The following KIRREL3 variants were observed in gnomAD, a reference collection of about 807,000 sequenced individuals.
KIRREL3 encodes the protein kin of IRRE-like protein 3.
A neutral mutation model predicts 89.7 loss-of-function variants in KIRREL3; 36 were observed. The observed-to-expected ratio is 0.40, with a 90% CI of 0.31 to 0.53. The LOEUF is 0.53. Ranked by LOEUF, KIRREL3 falls within the 20% of genes least tolerant of loss-of-function variation. The pLI, the probability that KIRREL3 is intolerant of heterozygous loss-of-function variation, is 0.49. For synonymous variants in KIRREL3, 445 were observed against 441.4 expected (o/e 1.01, Z -0.10); for missense variants, 864 against 1,056.6 (o/e 0.82, Z 2.53).
chr11:126,852,557 A>G (rs545610469), intron 1 of KIRREL3, among the ~76,000 whole-genome samples: 1 of 152,178 alleles, frequency 6.6e-6, no homozygotes, highest in Admixed American at 6.5e-5. Context: ...GGGAAGGTCA[A>G]CCAGCATTGT....
chr11:126,660,738 A>G (rs1945361407), intron 1 of KIRREL3, among the ~76,000 whole-genome samples: 1 of 152,226 alleles, frequency 6.6e-6, no homozygotes. Flanking sequence ...AAACTGTCCC[A>G]CAGCTAGAAC....
At position 126,513,635 on chromosome 11, in the gene KIRREL3, T is replaced by G. The variant is rs1958300953; in HGVS notation, c.433+7680A>C. On this transcript the variant is annotated intron_variant, in intron 4 of 16. Transcript: ENST00000525144. The surrounding 1 kb of genome is among the most constrained non-coding windows in gnomAD (Gnocchi z 5.9). The stretch of plus-strand genomic sequence containing the variant: ...AGAGTTTTGACATCCAGCCAGGCTG[T>G]GATGAGGATGGGAGATGGAGTGGGT... Among the ~76,000 whole-genome samples, 1 of 151,894 alleles carries G rather than the reference T, an allele frequency of 6.6e-6. No homozygotes were observed. The highest frequency in any genetic ancestry group is 2.4e-5 in the African/African-American group (1 of 41,330).
chr11:126,725,198 G>A (rs1948329855), intron 1 of KIRREL3, among the ~76,000 whole-genome samples: 3 of 152,246 alleles, frequency 2.0e-5, no homozygotes, highest in Non-Finnish European at 2.9e-5. Flanking sequence ...CCAGTGTGAT[G>A]TATGGGAGAG....
At chr11:126,693,467 A>C (rs200962929) in intron 1 of KIRREL3, among the ~76,000 whole-genome samples, 2 of 152,294 alleles carry the variant, frequency 1.3e-5, no homozygotes, top group East Asian at 3.9e-4. Context: ...AAAACTGGCT[A>C]TCAGGAGATG....
chr11:126,693,834 C>A (rs1946979795), intron 1 of KIRREL3, among the ~76,000 whole-genome samples: 1 of 152,334 alleles, frequency 6.6e-6, no homozygotes, highest in Non-Finnish European at 1.5e-5. Context: ...TGGGCTGCAG[C>A]CCCACTCCGC....
Position 126,668,668 on chromosome 11 carries a change from T to A in KIRREL3, c.56-105756A>T, listed in dbSNP as rs1401132566. ...CATGCCATTTGCTGTCTCAAATCTA[T>A]AAAGAGCTGTTGGGAAGTTTCTGTT... On this transcript the variant is annotated intron_variant, in intron 1 of 16. Coordinates refer to ENST00000525144, the MANE Select transcript of KIRREL3 (RefSeq NM_032531.4). This position sits in a 1 kb window ranked among gnomAD's most constrained non-coding sequence, Gnocchi z 4.4. Among the ~76,000 whole-genome samples the A allele has an allele frequency of 6.6e-6, 1 of 152,162 alleles. No individual in the cohort carries two copies.
At position 126,562,362 on chromosome 11, in the gene KIRREL3, T is replaced by C. The variant is rs548306607; in HGVS notation, c.133+473A>G. Among the ~76,000 whole-genome samples, 5 of 152,264 alleles carry C rather than the reference T, an allele frequency of 3.3e-5. No homozygotes were observed. In the East Asian group the frequency reaches 9.7e-4, roughly 29 times the overall value. The stretch of plus-strand genomic sequence containing the variant: ...GAGTTGGGAAAGGGGGCAGGTTTCC[T>C]AGGGTAAGTTCTTTGGGAATAAAGA... On this transcript the variant is annotated intron_variant, in intron 2 of 16. Coordinates refer to ENST00000525144, the MANE Select transcript of KIRREL3 (RefSeq NM_032531.4). The surrounding 1 kb of genome is among the most constrained non-coding windows in gnomAD (Gnocchi z 4.7).
chr11:126,720,245 A>G (rs1766098873), intron 1 of KIRREL3, among the ~76,000 whole-genome samples: 1 of 152,180 alleles, frequency 6.6e-6, no homozygotes, highest in Non-Finnish European at 1.5e-5. Flanking sequence ...CCAGTGCTCA[A>G]AATAGTAGGT....
At position 126,519,124 on chromosome 11, in the gene KIRREL3, T is replaced by A. The variant is rs760709613; in HGVS notation, c.433+2191A>T. 3.9e-5 allele frequency among the ~76,000 whole-genome samples: 6 copies of A among 152,128 alleles called. No homozygotes were observed. Among genetic ancestry groups the A allele is most frequent in the Admixed American group, 1.3e-4 (2 of 15,274 alleles). On this transcript the variant is annotated intron_variant, in intron 4 of 16. Transcript: ENST00000525144. This position sits in a 1 kb window ranked among gnomAD's most constrained non-coding sequence, Gnocchi z 4.3. The stretch of plus-strand genomic sequence containing the variant: ...AGACTTGAATAAAACATCTCCCCCA[T>A]ACAAACCCAGCTCTGTGCCCAGAGG...
rs1419160846 is a variant in KIRREL3 at position 127,000,451 on chromosome 11, C to T, written c.55+4G>A. ...TTCCAACTCCAGCAGCGCAGGGGTCCTACCTTGACTGAAGAGGAAGAAGCA... is the reference window on the plus strand; with the variant it reads ...TTCCAACTCCAGCAGCGCAGGGGTCTTACCTTGACTGAAGAGGAAGAAGCA... On this transcript the variant is annotated splice_donor_region_variant and intron_variant, in intron 1 of 16. Coordinates refer to ENST00000525144, the MANE Select transcript of KIRREL3 (RefSeq NM_032531.4). This position sits in a 1 kb window ranked among gnomAD's most constrained non-coding sequence, Gnocchi z 7.1. The T allele has an allele frequency of 3.7e-6, 6 of 1,602,922 alleles. No homozygotes were observed. Among genetic ancestry groups the T allele is most frequent in the Non-Finnish European group, 4.3e-6 (5 of 1,174,880 alleles).
chr11:126,777,832 T>C (rs970098903), intron 1 of KIRREL3, among the ~76,000 whole-genome samples: 3 of 152,110 alleles, frequency 2.0e-5, no homozygotes, highest in Admixed American at 2.0e-4. Flanking sequence ...TCTTGTTAGA[T>C]TGTGGGCTCC....
rs184620563 is a variant in KIRREL3, at chr11:126,556,577, A to T, written c.133+6258T>A. Among the ~76,000 whole-genome samples, 4 of 152,164 alleles carry T rather than the reference A, an allele frequency of 2.6e-5. No individual in the cohort carries two copies. In the South Asian group the frequency reaches 8.3e-4, roughly 31 times the overall value. On this transcript the variant is annotated intron_variant, in intron 2 of 16. Transcript: ENST00000525144. ...TGCTTGAGCTTAGGAATTGGAGGCT[A>T]TAGTGAGCCACGATGGTACCACTGC...
At chr11:126,816,005 G>A (rs1951561451) in intron 1 of KIRREL3, among the ~76,000 whole-genome samples, 1 of 152,160 alleles carries the variant, frequency 6.6e-6, no homozygotes, top group Middle Eastern at 3.2e-3. Context: ...AGGAATTAGT[G>A]TGTCTTTTGA....
intron 1 of KIRREL3, among the ~76,000 whole-genome samples, chr11:126,828,705 T>C (rs920398763): frequency 7.2e-5 from 11 of 152,236 alleles, no homozygotes; most frequent in African/African-American, 2.4e-4. Context: ...GCCTGATCAA[T>C]GGCAGCTTCT....
At chr11:126,902,111 T>C (rs1040713508) in intron 1 of KIRREL3, among the ~76,000 whole-genome samples, 4 of 152,214 alleles carry the variant, frequency 2.6e-5, no homozygotes, top group African/African-American at 9.6e-5. Flanking sequence ...CAACTTTCAG[T>C]TGGAAGGAGC....
rs1949991305 is a variant in KIRREL3 at position 126,990,231 on chromosome 11, C to G, written c.55+10224G>C. Among the ~76,000 whole-genome samples, 1 of 152,172 alleles carries G rather than the reference C, an allele frequency of 6.6e-6. No homozygotes were observed. The highest frequency in any genetic ancestry group is 2.1e-4 in the South Asian group (1 of 4,826). On this transcript the variant is annotated intron_variant, in intron 1 of 16. Transcript: ENST00000525144. This position sits in a 1 kb window ranked among gnomAD's most constrained non-coding sequence, Gnocchi z 6.3. ...GTGTGGTGGGCTGAGCTTCCTCGCT[C>G]CCTCTCTTTGAAGCTCTCTCAAGCC...
intron 1 of KIRREL3, among the ~76,000 whole-genome samples, chr11:126,679,364 A>G (rs953252643): frequency 3.9e-5 from 6 of 152,220 alleles, no homozygotes; most frequent in Non-Finnish European, 7.3e-5. Flanking sequence ...ACATACCTAC[A>G]TAATCTAAAT....
At chr11:126,790,251 G>T (rs944220360) in intron 1 of KIRREL3, among the ~76,000 whole-genome samples, 2 of 152,192 alleles carry the variant, frequency 1.3e-5, no homozygotes, top group Non-Finnish European at 2.9e-5. Flanking sequence ...AGCATTCATT[G>T]ACTGATTAGA....
intron 1 of KIRREL3, among the ~76,000 whole-genome samples, chr11:126,971,301 C>T (rs964350567): frequency 6.6e-6 from 1 of 152,106 alleles, no homozygotes; most frequent in Admixed American, 6.5e-5. Context: ...TCATTCAGTG[C>T]CCCAGTTTTC....
Sources: gnomAD v4.1 joint callset for allele counts (sites outside exome capture counted in the v4.1 genomes callset) on GRCh38, gnomAD v4.1.1 for gene constraint, Gnocchi (gnomAD v3.1) non-coding constraint, MANE v1.5 for transcripts, NCBI Gene and HGNC (gene_info 2026-07-23, HGNC 2026-07-21) for gene names.